The following SAMTOR variants were observed in gnomAD, a reference collection of about 807,000 sequenced individuals.
The protein encoded by SAMTOR is UPF0532 protein C7orf60.
the SAMTOR span, among the ~76,000 whole-genome samples, chr7:112,918,360 G>A: frequency 4.7e-4 from 71 of 152,162 alleles, no homozygotes; most frequent in African/African-American, 6.5e-4. Context: ...CTTCATAAGT[G>A]AAGGAGAAAT....
At chr7:112,902,439 C>CAAAAAA in the SAMTOR span, among the ~76,000 whole-genome samples, 3 of 81,456 alleles carry the variant, frequency 3.7e-5, no homozygotes, top group African/African-American at 1.5e-4. Flanking sequence ...CAAAAAAAAA[C>CAAAAAA]AAAAAAAAAC....
chr7:112,875,791 G>A, the SAMTOR span, among the ~76,000 whole-genome samples: 6 of 152,152 alleles, frequency 3.9e-5, no homozygotes, highest in Admixed American at 1.3e-4. Flanking sequence ...ACTGATGACT[G>A]ACTTTCTGAA....
At chr7:112,939,468 C>G in the SAMTOR span, 1 of 1,449,158 alleles carries the variant, frequency 6.9e-7, no homozygotes, top group African/African-American at 1.4e-5. Context: ...AGAGCAGCAG[C>G]GGCTGGGGGG....
the SAMTOR span, among the ~76,000 whole-genome samples, chr7:112,896,194 C>T: frequency 9.9e-5 from 15 of 151,686 alleles, no homozygotes; most frequent in South Asian, 8.3e-4. Flanking sequence ...AGTGTGCGTG[C>T]ACGCGCGCAC....
At chr7:112,854,184 T>C in the SAMTOR span, among the ~76,000 whole-genome samples, 2 of 152,130 alleles carry the variant, frequency 1.3e-5, no homozygotes, top group Non-Finnish European at 2.9e-5. Context: ...GAGACTAGGC[T>C]TATTCTCATT....
At chr7:112,830,911 C>G in the SAMTOR span, among the ~76,000 whole-genome samples, 2 of 148,278 alleles carry the variant, frequency 1.3e-5, no homozygotes, top group Non-Finnish European at 3.0e-5. Flanking sequence ...AACATTACAA[C>G]AACCTATGAA....
At chr7:112,861,857 T>C in the SAMTOR span, among the ~76,000 whole-genome samples, 2 of 145,546 alleles carry the variant, frequency 1.4e-5, no homozygotes, top group East Asian at 3.9e-4. Context: ...TTTTAATCCT[T>C]TGTTTTTCTC....
At chr7:112,834,969 A>C in the SAMTOR span, among the ~76,000 whole-genome samples, 69 of 152,282 alleles carry the variant, frequency 4.5e-4, no homozygotes, top group African/African-American at 1.3e-3. Flanking sequence ...TACCATACTC[A>C]CGTAATTTTT....
chr7:112,931,907 C>A, the SAMTOR span, among the ~76,000 whole-genome samples: 1 of 151,494 alleles, frequency 6.6e-6, no homozygotes, highest in Non-Finnish European at 1.5e-5. Flanking sequence ...TAAACAAATA[C>A]ACAAAACTAT....
chr7:112,881,918 C>T, the SAMTOR span, among the ~76,000 whole-genome samples: 1 of 152,246 alleles, frequency 6.6e-6, no homozygotes, highest in Non-Finnish European at 1.5e-5. Context: ...CCGCTTGACA[C>T]ATTGCGGGCA....
At chr7:112,927,038 T>C in the SAMTOR span, among the ~76,000 whole-genome samples, 1 of 152,068 alleles carries the variant, frequency 6.6e-6, no homozygotes, top group Non-Finnish European at 1.5e-5. Context: ...AATGAAATTA[T>C]TAAAAAGGAA....
At chr7:112,910,628 T>C in the SAMTOR span, among the ~76,000 whole-genome samples, 1 of 152,130 alleles carries the variant, frequency 6.6e-6, no homozygotes, top group African/African-American at 2.4e-5. Context: ...TAACATTTAG[T>C]ATCTCTAATG....
the SAMTOR span, among the ~76,000 whole-genome samples, chr7:112,840,480 G>A: frequency 1.8e-4 from 27 of 151,446 alleles, no homozygotes; most frequent in African/African-American, 5.3e-4. Flanking sequence ...TCCCATTCTC[G>A]CCTCTCCTTC....
At chr7:112,899,168 G>A in the SAMTOR span, among the ~76,000 whole-genome samples, 1 of 151,838 alleles carries the variant, frequency 6.6e-6, no homozygotes, top group East Asian at 1.9e-4. Context: ...AGCTTTTTGA[G>A]GAATCTCAAT....
the SAMTOR span, among the ~76,000 whole-genome samples, chr7:112,937,354 T>C: frequency 2.0e-5 from 3 of 152,190 alleles, no homozygotes; most frequent in Non-Finnish European, 4.4e-5. Flanking sequence ...AGGTATGTTA[T>C]TGATTCAATG....
chr7:112,874,822 A>G, the SAMTOR span, among the ~76,000 whole-genome samples: 3 of 152,150 alleles, frequency 2.0e-5, no homozygotes, highest in Non-Finnish European at 2.9e-5. Flanking sequence ...TGAATGACTG[A>G]AAATATATCA....
chr7:112,912,803 G>T, the SAMTOR span, among the ~76,000 whole-genome samples: 1 of 151,746 alleles, frequency 6.6e-6, no homozygotes, highest in Non-Finnish European at 1.5e-5. Flanking sequence ...ATAATATAAC[G>T]ATTGATAAAA....
At chr7:112,908,426 T>C in the SAMTOR span, among the ~76,000 whole-genome samples, 1 of 152,180 alleles carries the variant, frequency 6.6e-6, no homozygotes, top group African/African-American at 2.4e-5. Context: ...CACTCATGGA[T>C]TGCCACCTTG....
At chr7:112,888,625 T>C in the SAMTOR span, among the ~76,000 whole-genome samples, 1 of 152,154 alleles carries the variant, frequency 6.6e-6, no homozygotes, top group South Asian at 2.1e-4. Context: ...ATGCATGAAA[T>C]CTAAGTGCAA....
Sources: allele counts gnomAD v4.1 joint callset (sites outside exome capture counted in the v4.1 genomes callset), GRCh38; gene constraint gnomAD v4.1.1; transcripts MANE v1.5; gene names NCBI Gene and HGNC (gene_info 2026-07-23, HGNC 2026-07-21).